The following INPP5D variants were observed in gnomAD, a reference collection of about 807,000 sequenced individuals.
The protein encoded by INPP5D is phosphatidylinositol 3,4,5-trisphosphate 5-phosphatase 1.
In INPP5D, 33 loss-of-function variants were observed where a neutral mutation model predicts 122.9. The ratio of observed to expected loss-of-function variants is 0.27; its 90% CI spans 0.20 to 0.36. The LOEUF is 0.36. INPP5D is among the 10% of genes least tolerant of loss of function. INPP5D has a pLI of 1.00. For missense variants in INPP5D, 1,053 were observed against 1,412.7 expected (o/e 0.75, Z 4.08); for synonymous variants, 584 against 576.2 (o/e 1.01, Z -0.19).
At position 233,100,274 on chromosome 2, in the gene INPP5D, T is replaced by C. The variant is rs1692273462; in HGVS notation, c.198+20876T>C. Among the ~76,000 whole-genome samples, 1 of 152,176 alleles carries C rather than the reference T, an allele frequency of 6.6e-6. No homozygotes were observed. Among genetic ancestry groups the C allele is most frequent in the African/African-American group, 2.4e-5 (1 of 41,424 alleles). ...ACTGCTGTAGGCCACTGAGCTATGATATTCATCAGACGCAACTAATTACCC... is the reference window on the plus strand; with the variant it reads ...ACTGCTGTAGGCCACTGAGCTATGACATTCATCAGACGCAACTAATTACCC... On this transcript the variant is annotated intron_variant, in intron 2 of 26. Transcript: ENST00000445964. This position sits in a 1 kb window ranked among gnomAD's most constrained non-coding sequence, Gnocchi z 5.3.
At chr2:233,146,059 G>A (rs776077362) in intron 6 of INPP5D, 103 bp from the exon 7 acceptor site, 1 of 703,622 alleles carries the variant, frequency 1.4e-6, no homozygotes, top group Non-Finnish European at 2.6e-6. Context: ...TGGGGCTGCG[G>A]GGAGGCTGGA....
chr2:233,068,278 T>C (rs1478212207), intron 1 of INPP5D, among the ~76,000 whole-genome samples: 14 of 92,642 alleles, frequency 1.5e-4, no homozygotes, highest in Admixed American at 3.6e-4. Flanking sequence ...AGAGTGAAAC[T>C]CTGTCTCAAA....
At chr2:233,116,813 T>C (rs913282768) in intron 2 of INPP5D, among the ~76,000 whole-genome samples, 1 of 151,866 alleles carries the variant, frequency 6.6e-6, no homozygotes, top group African/African-American at 2.4e-5. Flanking sequence ...GCCAAGCTAG[T>C]CTTGAACTGC....
chr2:233,126,409 A>T (rs890585297), intron 4 of INPP5D, among the ~76,000 whole-genome samples: 1 of 152,170 alleles, frequency 6.6e-6, no homozygotes, highest in Non-Finnish European at 1.5e-5. Context: ...TATGAAGTAG[A>T]TGCCGATGGG....
At chr2:233,089,215 C>A (rs1691929447) in intron 2 of INPP5D, among the ~76,000 whole-genome samples, 1 of 152,144 alleles carries the variant, frequency 6.6e-6, no homozygotes, top group Non-Finnish European at 1.5e-5. Flanking sequence ...ACAACTCCCA[C>A]CTGGGGCCTA....
In INPP5D at chr2:233,100,122, C is replaced by G. The variant is rs547795957; in HGVS notation, c.198+20724C>G. Among the ~76,000 whole-genome samples the G allele has an allele frequency of 1.3e-5, 2 of 152,192 alleles. No homozygotes were observed. Among genetic ancestry groups the G allele is most frequent in the Admixed American group, 6.5e-5 (1 of 15,278 alleles). On this transcript the variant is annotated intron_variant, in intron 2 of 26. Coordinates refer to ENST00000445964, the MANE Select transcript of INPP5D (RefSeq NM_001017915.3). This position sits in a 1 kb window ranked among gnomAD's most constrained non-coding sequence, Gnocchi z 5.3. The stretch of plus-strand genomic sequence containing the variant: ...TCAAGATGAGATTTGGGTGGGGACA[C>G]AGTCAAACCATATCAGAGTGGAAGC...
At chr2:233,169,913 T>G in intron 14 of INPP5D, 113 bp from the exon 15 acceptor site, 1 of 1,559,660 alleles carries the variant, frequency 6.4e-7, no homozygotes, top group Admixed American at 1.8e-5. Context: ...AAGTCTCACT[T>G]CCCCCCACCT....
chr2:233,173,900 T>C (rs1694554961), intron 17 of INPP5D, among the ~76,000 whole-genome samples: 1 of 151,944 alleles, frequency 6.6e-6, no homozygotes, highest in Non-Finnish European at 1.5e-5. Context: ...GCCACTGCAC[T>C]CCTGCCTGGA....
intron 2 of INPP5D, among the ~76,000 whole-genome samples, chr2:233,111,954 T>C (rs532625939): frequency 2.9e-4 from 36 of 124,766 alleles, no homozygotes; most frequent in Non-Finnish European, 4.5e-4. Context: ...TCCCAGGTAC[T>C]TGGGGGGGCT....
At chr2:233,118,942 C>A (rs558831931) in intron 2 of INPP5D, among the ~76,000 whole-genome samples, 15 of 152,332 alleles carry the variant, frequency 9.8e-5, no homozygotes, top group African/African-American at 3.4e-4. Flanking sequence ...TGGGAGCGGG[C>A]CAGGCACACG....
chr2:233,065,953 A>ATTTTTTT (rs1357432161), intron 1 of INPP5D, among the ~76,000 whole-genome samples: 10,008 of 148,808 alleles, frequency 0.067, 1,019 homozygotes, highest in African/African-American at 0.21. Context: ...CCTTTTTTTA[A>ATTTTTTT]AATTATTATT....
At position 233,158,347 on chromosome 2, in the gene INPP5D, T is replaced by A; in HGVS notation, c.1065T>A (p.Asn355Lys). ...LQLIKSQKFL[N>K]KLVILVETEK... is the part of the protein sequence containing the mutation. ...TCATTAAGTCACAGAAATTTCTGAA[T>A]AAGTTGGTGATCTTGGTGGAAACAG... is the stretch of plus-strand genomic sequence containing the variant. The change falls in exon 10 of 27, where the codon AAT becomes AAA. Residue 355 changes from asparagine to lysine, a missense_variant. Physicochemically the swap from Asn to Lys is moderately conservative, Grantham distance 94 (BLOSUM62 0). Around this residue, in one of 6 missense-constraint regions of INPP5D, gnomAD observed 105 missense variants for 199.8 expected, o/e 0.53. Coordinates refer to ENST00000445964, the MANE Select transcript of INPP5D (RefSeq NM_001017915.3). 1.4e-6 allele frequency: 1 copy of A among 703,762 alleles called. No homozygotes were observed. Among genetic ancestry groups the A allele is most frequent in the Non-Finnish European group, 2.6e-6 (1 of 384,868 alleles). 43.6% of individuals were successfully genotyped at this position (703,762 alleles called of 1,614,324 possible). A position where few individuals can be genotyped will look rare whatever the true frequency, so the allele number is the denominator to read the frequency against.
chr2:233,170,282 C>A lies in INPP5D; in HGVS notation c.1791+118C>A. 6.6e-7 allele frequency: 1 copy of A among 1,512,440 alleles called. No individual in the cohort carries two copies. The allele number at this position is 1,512,440 out of a possible 1,614,324, so 93.7% of individuals were successfully genotyped here. ...AATCAAGTGGGCTGAGGCGGCTGCTCCCCTTGGGGGCTCAACGCTGTTTCC... is the reference window on the plus strand; with the variant it reads ...AATCAAGTGGGCTGAGGCGGCTGCTACCCTTGGGGGCTCAACGCTGTTTCC... On this transcript the variant is annotated intron_variant, in intron 15 of 26. Transcript: ENST00000445964. The surrounding 1 kb of genome is among the most constrained non-coding windows in gnomAD (Gnocchi z 4.5).
At chr2:233,063,176 G>C (rs776709498) in intron 1 of INPP5D, among the ~76,000 whole-genome samples, 1 of 152,152 alleles carries the variant, frequency 6.6e-6, no homozygotes, top group Non-Finnish European at 1.5e-5. Flanking sequence ...AGCAGGCTTT[G>C]CCCCCCTAGC....
Position 233,081,607 on chromosome 2 carries a change from G to A in INPP5D, c.198+2209G>A, listed in dbSNP as rs79372448. Among the ~76,000 whole-genome samples, 1,005 of 152,240 alleles carry A rather than the reference G, an allele frequency of 6.6e-3. 13 individuals are homozygous for A. The highest frequency in any genetic ancestry group is 0.022 in the African/African-American group (925 of 41,536). ...ACCCTGGGAACTGCTGATGAAATCCGGGGCCTCATCAGGCTACTGGGCAGG... is the reference window on the plus strand; with the variant it reads ...ACCCTGGGAACTGCTGATGAAATCCAGGGCCTCATCAGGCTACTGGGCAGG... On this transcript the variant is annotated intron_variant, in intron 2 of 26. Coordinates refer to ENST00000445964, the MANE Select transcript of INPP5D (RefSeq NM_001017915.3).
At chr2:233,138,663 C>A (rs539373900) in intron 5 of INPP5D, among the ~76,000 whole-genome samples, 32 of 152,222 alleles carry the variant, frequency 2.1e-4, no homozygotes, top group African/African-American at 7.2e-4. Context: ...CTCTGGTTAT[C>A]CTAATTCTGT....
intron 5 of INPP5D, among the ~76,000 whole-genome samples, chr2:233,137,849 AAAAAATATATATATATATATATAT>A (rs1479663878): frequency 0.012 from 188 of 15,854 alleles, 12 homozygotes; most frequent in African/African-American, 0.032. Flanking sequence ...AAAAAAAAAA[AAAAAATATATATATATATATATAT>A]ATATATATAT....
chr2:233,175,843 C>T (rs968970176), intron 17 of INPP5D, among the ~76,000 whole-genome samples: 7 of 152,040 alleles, frequency 4.6e-5, no homozygotes, highest in Admixed American at 1.3e-4. Context: ...CCACCATGCC[C>T]GGGTAATTTT....
At chr2:233,185,983 A>G in intron 21 of INPP5D, 58 bp downstream of exon 21, 1 of 1,501,820 alleles carries the variant, frequency 6.7e-7, no homozygotes, top group Non-Finnish European at 8.9e-7. Flanking sequence ...GGCCAGTAGT[A>G]CCAGCCAGTG....
Sources: allele counts gnomAD v4.1 joint callset (sites outside exome capture counted in the v4.1 genomes callset), GRCh38; gene constraint gnomAD v4.1.1; regional missense constraint gnomAD v4.1.1; non-coding constraint Gnocchi (gnomAD v3.1); transcripts MANE v1.5; gene names NCBI Gene and HGNC (gene_info 2026-07-23, HGNC 2026-07-21).